The following NDUFB3 variants were observed in gnomAD, a reference collection of about 807,000 sequenced individuals.
The protein encoded by NDUFB3 is NADH:ubiquinone oxidoreductase subunit B3, also known as NADH dehydrogenase [ubiquinone] 1 beta subcomplex subunit 3.
A neutral mutation model predicts 9.0 loss-of-function variants in NDUFB3; 7 were observed. The observed-to-expected ratio is 0.78, with a 90% CI of 0.44 to 1.46. The LOEUF is 1.46. NDUFB3 is among the 40% of genes most tolerant of loss of function. The pLI is 0.01. For missense variants in NDUFB3, 93 were observed against 115.4 expected, an observed-to-expected ratio of 0.81 and a Z score of 0.89; for synonymous variants, 29 against 38.5, an observed-to-expected ratio of 0.75 and a Z score of 0.91.
intron 1 of NDUFB3, among the ~76,000 whole-genome samples, chr2:201,073,504 C>T (rs2047121771): frequency 6.6e-6 from 1 of 152,178 alleles, no homozygotes; most frequent in Non-Finnish European, 1.5e-5. Context: ...CACGGTGGCT[C>T]ACGCCTGTAA....
chr2:201,073,422 G>A (rs1483464029), intron 1 of NDUFB3, among the ~76,000 whole-genome samples: 5 of 152,126 alleles, frequency 3.3e-5, no homozygotes, highest in African/African-American at 9.7e-5. Context: ...CATTTGGGTT[G>A]TTTACAGTTG....
In NDUFB3 at chr2:201,077,455, T is replaced by A. The variant is rs186990215; in HGVS notation, c.-2-1426T>A. Among the ~76,000 whole-genome samples, 12 of 152,240 alleles carry A rather than the reference T, an allele frequency of 7.9e-5. No homozygotes were observed. In the East Asian group the frequency reaches 2.1e-3, roughly 27 times the overall value. ...ACATGTTTTAATTAAGGAAGCAAAT[T>A]TATTGATTAAAAAGGAGTCCTAAGG... On this transcript the variant is annotated intron_variant, in intron 1 of 2. Transcript: ENST00000237889.
chr2:201,082,081 G>A (rs761461860), intron 2 of NDUFB3, among the ~76,000 whole-genome samples: 2 of 152,100 alleles, frequency 1.3e-5, no homozygotes. Context: ...TTCCCAAAGC[G>A]CTGGGATTAC....
At chr2:201,083,351 C>CTTTTT (rs748310803) in intron 2 of NDUFB3, among the ~76,000 whole-genome samples, 4 of 119,982 alleles carry the variant, frequency 3.3e-5, no homozygotes, top group Admixed American at 8.6e-5. Context: ...TTTATTATTT[C>CTTTTT]TTTTTTTTTT....
intron 2 of NDUFB3, among the ~76,000 whole-genome samples, chr2:201,084,040 C>T (rs866344165): frequency 6.6e-6 from 1 of 152,068 alleles, no homozygotes; most frequent in Non-Finnish European, 1.5e-5. Flanking sequence ...CCTGTAATCC[C>T]AGCACTTTGG....
chr2:201,083,251 T>A (rs1183662279), intron 2 of NDUFB3, among the ~76,000 whole-genome samples: 1 of 152,204 alleles, frequency 6.6e-6, no homozygotes, highest in Non-Finnish European at 1.5e-5. Flanking sequence ...GGTCACCACT[T>A]AGTATGATGT....
At chr2:201,075,565 CAA>C (rs771947770) in intron 1 of NDUFB3, among the ~76,000 whole-genome samples, 8 of 48,042 alleles carry the variant, frequency 1.7e-4, no homozygotes, top group Admixed American at 2.1e-4. Flanking sequence ...GACTCTGTCT[CAA>C]AAAAAAAAAA....
At chr2:201,081,263 C>T (rs771495841) in intron 2 of NDUFB3, among the ~76,000 whole-genome samples, 2 of 151,852 alleles carry the variant, frequency 1.3e-5, no homozygotes, top group Non-Finnish European at 2.9e-5. Flanking sequence ...GCGGGTGGAT[C>T]ACTTAAGGTC....
At chr2:201,073,276 A>G (rs1041811920) in intron 1 of NDUFB3, among the ~76,000 whole-genome samples, 1 of 152,180 alleles carries the variant, frequency 6.6e-6, no homozygotes, top group Non-Finnish European at 1.5e-5. Context: ...TTCAGAGTGC[A>G]TGTGTATTTT....
chr2:201,080,234 G>A (rs771293080), intron 2 of NDUFB3, among the ~76,000 whole-genome samples: 2 of 152,022 alleles, frequency 1.3e-5, no homozygotes, highest in South Asian at 2.1e-4. Flanking sequence ...TTGTACCTCC[G>A]TTGAATTACC....
At chr2:201,076,483 A>AT (rs2125532676) in intron 1 of NDUFB3, among the ~76,000 whole-genome samples, 1 of 121,566 alleles carries the variant, frequency 8.2e-6, no homozygotes, top group Non-Finnish European at 1.7e-5. Flanking sequence ...CTCTATCTTT[A>AT]AATATATATA....
At chr2:201,079,128 C>G in intron 2 of NDUFB3, 106 bp downstream of exon 2, 1 of 1,271,418 alleles carries the variant, frequency 7.9e-7, no homozygotes, top group Non-Finnish European at 1.1e-6. Context: ...TGGCTTTTTA[C>G]TTTAAAGGGT....
intron 2 of NDUFB3, among the ~76,000 whole-genome samples, chr2:201,084,771 T>A (rs1323217458): frequency 1.3e-5 from 2 of 152,214 alleles, no homozygotes; most frequent in Non-Finnish European, 2.9e-5. Flanking sequence ...CTAAGTCATA[T>A]TTCTAGAGTT....
chr2:201,079,238 G>A (rs553634320), intron 2 of NDUFB3, among the ~76,000 whole-genome samples: 7 of 151,620 alleles, frequency 4.6e-5, no homozygotes, highest in African/African-American at 1.5e-4. Flanking sequence ...TCCGCCACCC[G>A]GGTTCAAGTG....
At chr2:201,084,019 G>A (rs189159242) in intron 2 of NDUFB3, among the ~76,000 whole-genome samples, 5 of 152,228 alleles carry the variant, frequency 3.3e-5, no homozygotes, top group East Asian at 1.9e-4. Flanking sequence ...GGCCGGGCGC[G>A]GTGGCTCATG....
chr2:201,085,480 G>T lies in NDUFB3; in HGVS notation c.162G>T (p.Met54Ile). 1 of 1,605,992 alleles carries T rather than the reference G, an allele frequency of 6.2e-7. No homozygotes were observed. Among genetic ancestry groups the T allele is most frequent in the Non-Finnish European group, 8.5e-7 (1 of 1,176,322 alleles). The change falls in exon 3 of 3, where the codon ATG (methionine) becomes ATT (isoleucine). Residue 54 changes from methionine to isoleucine, a missense_variant. Transcript: ENST00000237889. ...PWGRNEAWRY[M>I]GGFAKSVSFS... ...CTAGCAATGAAGCTTGGAGATACAT[G>T]GGTGGCTTTGCAAAGAGTGTTTCCT...
rs759284397 is a variant in NDUFB3, at chr2:201,085,492, A to G, written c.174A>G (p.Ala58=). 6.2e-7 allele frequency: 1 copy of G among 1,610,080 alleles called. No individual in the cohort carries two copies. The highest frequency in any genetic ancestry group is 8.5e-7 in the Non-Finnish European group (1 of 1,178,414). Residue 58 remains alanine (A), a synonymous_variant, in exon 3 of 3, where the codon GCA becomes GCG. Coordinates refer to ENST00000237889, the MANE Select transcript of NDUFB3 (RefSeq NM_002491.3). ...CTTGGAGATACATGGGTGGCTTTGCAAAGAGTGTTTCCTTTTCTGATGTAT... is the reference window on the plus strand; with the variant it reads ...CTTGGAGATACATGGGTGGCTTTGCGAAGAGTGTTTCCTTTTCTGATGTAT... ...NEAWRYMGGF[A]KSVSFSDVFF...
In NDUFB3 at chr2:201,072,042, AGGTCAGATTGCT is replaced by A. The variant is rs1371464731; in HGVS notation, c.-18_-7del. ...CGGTTGCAGAGTTGAGTGTCCTGAGAGGTCAGATTGCTGTCAGGTAAATTAGGGAGTTGGTGG... is the reference window on the plus strand; with the variant it reads ...CGGTTGCAGAGTTGAGTGTCCTGAGAGTCAGGTAAATTAGGGAGTTGGTGG... On this transcript the variant is annotated 5_prime_UTR_variant, in exon 1 of 3. Transcript: ENST00000237889. 2.6e-5 allele frequency: 4 copies of A among 152,218 alleles called. No homozygotes were observed. Among genetic ancestry groups the A allele is most frequent in the Non-Finnish European group, 5.9e-5 (4 of 68,046 alleles). The allele number at this position is 152,218 out of a possible 1,614,324, so 9.4% of individuals were successfully genotyped here.
rs1258605148 is a variant in NDUFB3, at chr2:201,078,942, A to G, written c.60A>G (p.Arg20=). 3.7e-6 allele frequency: 6 copies of G among 1,613,278 alleles called. No homozygotes were observed. In the East Asian group the frequency reaches 8.9e-5, roughly 24 times the overall value. Residue 20 remains arginine (R), a synonymous_variant, in exon 2 of 3, where the codon AGA becomes AGG. Coordinates refer to ENST00000237889, the MANE Select transcript of NDUFB3 (RefSeq NM_002491.3). The part of the protein sequence containing the change: ...GHHKMELPDY[R]QWKIEGTPLE... Reference sequence around the variant, plus strand: ...ATAAAATGGAACTTCCAGATTATAGACAATGGAAGATAGAAGGGACACCAT... The same window carrying G: ...ATAAAATGGAACTTCCAGATTATAGGCAATGGAAGATAGAAGGGACACCAT...
Sources: allele counts gnomAD v4.1 joint callset (sites outside exome capture counted in the v4.1 genomes callset), GRCh38; gene constraint gnomAD v4.1.1; transcripts MANE v1.5; gene names NCBI Gene and HGNC (gene_info 2026-07-23, HGNC 2026-07-21).